Variants in CDON observed in about 807,000 individuals in gnomAD.
The protein encoded by CDON is cell adhesion associated, oncogene regulated, also known as cell adhesion molecule-related/down-regulated by oncogenes.
In CDON, 73 loss-of-function variants were observed where a neutral mutation model predicts 120.9. The ratio of observed to expected loss-of-function variants is 0.60; its 90% CI spans 0.50 to 0.73. The LOEUF is 0.73. Ranked by LOEUF, CDON falls within the 30% of genes least tolerant of loss-of-function variation. The probability of loss-of-function intolerance (pLI) is 0.00; values close to 1 mark genes in which losing one functional copy is unlikely to be tolerated. For synonymous variants in CDON, 566 were observed against 573.5 expected, an observed-to-expected ratio of 0.99 and a Z score of 0.19; for missense variants, 1,470 against 1,587.3, an observed-to-expected ratio of 0.93 and a Z score of 1.26.
chr11:126,010,345 C>A lies in CDON; in HGVS notation c.1548G>T (p.Met516Ile). The change falls in exon 8 of 20, where the codon ATG becomes ATT. Residue 516 changes from methionine (M) to isoleucine (I), a missense_variant. By Grantham distance (10) the Met-to-Ile change is conservative (BLOSUM62 1). Transcript: ENST00000531738. ...TAAATAATAATGGCAACTCACCAAC[C>A]ATGAGAGATGCTTCTGCCTGTGTGG... ...HGTTQAEASL[M>I]VVPFETNTKA... 2 of 1,600,926 alleles carry A rather than the reference C, an allele frequency of 1.2e-6. No individual in the cohort carries two copies. Among genetic ancestry groups the A allele is most frequent in the South Asian group, 2.2e-5 (2 of 89,966 alleles).
intron 1 of CDON, among the ~76,000 whole-genome samples, chr11:126,053,115 A>G (rs1010798088): frequency 6.6e-6 from 1 of 152,200 alleles, no homozygotes; most frequent in South Asian, 2.1e-4. Flanking sequence ...GAACCTCACT[A>G]TAATTCTTAT....
At chr11:125,962,046 A>G in intron 18 of CDON, 48 bp from the exon 19 acceptor site, 1 of 1,380,388 alleles carries the variant, frequency 7.2e-7, no homozygotes. Flanking sequence ...AGAGGAACCA[A>G]TAATTAAAAT....
At chr11:126,003,683 G>A (rs1032525962) in intron 10 of CDON, among the ~76,000 whole-genome samples, 2 of 152,124 alleles carry the variant, frequency 1.3e-5, no homozygotes, top group Non-Finnish European at 1.5e-5. Flanking sequence ...AGCCGGGCAT[G>A]GTGGCACGCA....
Position 125,961,076 on chromosome 11 carries a change from T to G in CDON, c.3661A>C (p.Ile1221Leu). The G allele has an allele frequency of 6.2e-7, 1 of 1,614,122 alleles. No homozygotes were observed. Among genetic ancestry groups the G allele is most frequent in the Non-Finnish European group, 8.5e-7 (1 of 1,179,930 alleles). The change falls in exon 20 of 20, where the codon ATC (isoleucine) becomes CTC (leucine). Residue 1221 changes from isoleucine to leucine, a missense_variant. Ile to Leu is a conservative substitution (Grantham distance 5). Transcript: ENST00000531738. ...GDSCAHSETE[I>L]NIVSWNALIL... ...AGAGCATTCCAACTTACAATGTTGA[T>G]CTCTGTTTCTGAATGGGCACAGCTG...
In CDON at chr11:125,957,655, C is replaced by G. The variant is rs1171393159; in HGVS notation, c.*3287G>C. On this transcript the variant is annotated 3_prime_UTR_variant, in exon 20 of 20. Transcript: ENST00000531738. ...AACACAGGTAAAATTCAATGATAAA[C>G]TTCACTTCTTGGCAGTACTATAGCT... is the stretch of plus-strand genomic sequence containing the variant. 5 of 152,172 alleles carry G rather than the reference C, an allele frequency of 3.3e-5. No homozygotes were observed. Among genetic ancestry groups the G allele is most frequent in the African/African-American group, 1.2e-4 (5 of 41,438 alleles). 9.4% of individuals were successfully genotyped at this position (152,172 alleles called of 1,614,324 possible). A position where few individuals can be genotyped will look rare whatever the true frequency, so the allele number is the denominator to read the frequency against.
intron 7 of CDON, among the ~76,000 whole-genome samples, chr11:126,012,753 C>A (rs1392913648): frequency 6.6e-6 from 1 of 152,090 alleles, no homozygotes; most frequent in African/African-American, 2.4e-5. Flanking sequence ...ATCCACCTTG[C>A]TAAATATTAT....
chr11:125,990,686 C>T (rs1339696301), intron 14 of CDON, among the ~76,000 whole-genome samples: 1 of 152,182 alleles, frequency 6.6e-6, no homozygotes, highest in African/African-American at 2.4e-5. Flanking sequence ...ACCACACATG[C>T]AAGTTAAATC....
chr11:126,028,992 C>T (rs561631401), intron 1 of CDON, among the ~76,000 whole-genome samples: 1 of 152,144 alleles, frequency 6.6e-6, no homozygotes, highest in Non-Finnish European at 1.5e-5. Context: ...ACTCTTAATA[C>T]ATATTGTCAA....
chr11:126,025,501 T>C (rs1009486186), intron 1 of CDON, among the ~76,000 whole-genome samples: 6 of 151,452 alleles, frequency 4.0e-5, no homozygotes, highest in African/African-American at 1.5e-4. Context: ...TGAAGACAAA[T>C]GGTAGTCAAG....
At chr11:126,013,523 A>C (rs11821242) in intron 7 of CDON, among the ~76,000 whole-genome samples, 16,399 of 151,588 alleles carry the variant, frequency 0.11, 922 homozygotes, top group Admixed American at 0.13. Context: ...TTCAGTCAGC[A>C]TTGCTAAGTT....
At position 126,017,162 on chromosome 11, in the gene CDON, G is replaced by C; in HGVS notation, c.854C>G (p.Ser285Cys). The part of the protein sequence containing the change: ...LATDSVDPAD[S>C]GNYSCMAGNK... ...TCCCGCCATGCAGGAATAGTTTCCG[G>C]AGTCCGCCGGGTCAACGCTATCAGT... The change falls in exon 6 of 20, where the codon TCC becomes TGC. Residue 285 changes from serine to cysteine, a missense_variant. Ser to Cys is a moderately radical substitution (Grantham distance 112, BLOSUM62 -1). Transcript: ENST00000531738. 6.2e-7 allele frequency: 1 copy of C among 1,614,124 alleles called. No homozygotes were observed. The highest frequency in any genetic ancestry group is 1.3e-5 in the African/African-American group (1 of 75,012).
At chr11:125,974,391 AG>A (rs1862256167) in intron 18 of CDON, among the ~76,000 whole-genome samples, 2 of 10,188 alleles carry the variant, frequency 2.0e-4, no homozygotes, top group Admixed American at 8.0e-4. Context: ...GAAGGAAGGA[AG>A]GGAGGGAGGG....
chr11:126,039,500 G>T (rs1206903522), intron 1 of CDON, among the ~76,000 whole-genome samples: 2 of 152,114 alleles, frequency 1.3e-5, no homozygotes, highest in African/African-American at 4.8e-5. Flanking sequence ...CACTCCAGAC[G>T]AATATAAAAC....
chr11:126,061,267 T>C (rs1948787959), intron 1 of CDON, among the ~76,000 whole-genome samples: 1 of 152,218 alleles, frequency 6.6e-6, no homozygotes, highest in South Asian at 2.1e-4. Context: ...ACTTCAAGTA[T>C]GAGGCAGTTC....
chr11:126,045,969 C>T (rs1790197), intron 1 of CDON, among the ~76,000 whole-genome samples: 24,715 of 150,650 alleles, frequency 0.16, 2,250 homozygotes, highest in Middle Eastern at 0.26. Flanking sequence ...AAACTCCGTC[C>T]TAAAAAAAAA....
rs369037145 is a variant in CDON at position 125,995,045 on chromosome 11, T to C, written c.2370A>G (p.Thr790=). ...VEVRSLEPGS[T]YKFRVIAINH... is the part of the protein sequence containing the mutation. ...TGATGGCAATGACCCTAAATTTGTA[T>C]GTTGAACCTTTGAGGGAAAACAAAA... Residue 790 remains threonine, a synonymous_variant, in exon 13 of 20, where the codon ACA becomes ACG. Transcript: ENST00000531738. 1.1e-5 allele frequency: 17 copies of C among 1,613,672 alleles called. No individual in the cohort carries two copies. The highest frequency in any genetic ancestry group is 2.7e-5 in the African/African-American group (2 of 74,900).
chr11:125,982,614 G>T (rs887614092), intron 16 of CDON, among the ~76,000 whole-genome samples: 1 of 152,166 alleles, frequency 6.6e-6, no homozygotes, highest in Non-Finnish European at 1.5e-5. Flanking sequence ...CCACTGTCCA[G>T]AACAGTGCCT....
chr11:125,971,039 T>C (rs4540843), intron 18 of CDON, among the ~76,000 whole-genome samples: 28,746 of 152,064 alleles, frequency 0.19, 2,937 homozygotes, highest in East Asian at 0.27. Context: ...CTTGTTGTTT[T>C]AATACTTAGC....
chr11:125,976,367 C>T (rs1311950117), intron 18 of CDON, among the ~76,000 whole-genome samples: 2 of 152,028 alleles, frequency 1.3e-5, no homozygotes, highest in African/African-American at 2.4e-5. Context: ...AAGACTTGCA[C>T]TAAACAGGCA....
Sources: gnomAD v4.1 joint callset for allele counts (sites outside exome capture counted in the v4.1 genomes callset) on GRCh38, gnomAD v4.1.1 for gene constraint, MANE v1.5 for transcripts, NCBI Gene and HGNC (gene_info 2026-07-23, HGNC 2026-07-21) for gene names.